DNAH14: variants seen among roughly 807,000 people sequenced by gnomAD.
DNAH14 encodes the protein dynein axonemal heavy chain 14.
A neutral mutation model predicts 520.9 loss-of-function variants in DNAH14; 478 were observed. The observed-to-expected ratio is 0.92, with a 90% CI of 0.85 to 0.99. The LOEUF is 0.99. Among genes scored for constraint, DNAH14 ranks in the 50% least tolerant of loss-of-function variants. The probability of loss-of-function intolerance (pLI) is 0.00; values close to 1 mark genes in which losing one functional copy is unlikely to be tolerated. For missense variants in DNAH14, 4,831 were observed against 5,234.5 expected (o/e 0.92, Z 2.38); for synonymous variants, 1,581 against 1,757.2 (o/e 0.90, Z 2.51).
intron 76 of DNAH14, among the ~76,000 whole-genome samples, chr1:225,366,101 G>A (rs2095549846): frequency 1.3e-5 from 2 of 152,094 alleles, no homozygotes. Context: ...TAAAAGTTCA[G>A]CCTCTAGATA....
chr1:225,209,154 A>G (rs926122745), intron 41 of DNAH14, among the ~76,000 whole-genome samples: 5 of 152,170 alleles, frequency 3.3e-5, no homozygotes, highest in Non-Finnish European at 7.3e-5. Context: ...TTTATGTCTC[A>G]TAATTTTTAA....
intron 81 of DNAH14, among the ~76,000 whole-genome samples, chr1:225,383,945 T>C (rs998324979): frequency 3.3e-5 from 5 of 152,228 alleles, no homozygotes; most frequent in Non-Finnish European, 7.3e-5. Flanking sequence ...GTGTCTTTGT[T>C]TTCATTGGTT....
intron 20 of DNAH14, among the ~76,000 whole-genome samples, chr1:225,083,359 T>C (rs187309261): frequency 9.9e-5 from 15 of 152,280 alleles, no homozygotes; most frequent in Admixed American, 9.8e-4. Flanking sequence ...TGATCTGTTG[T>C]AATGAGGAAC....
chr1:225,398,862 T>C (rs968652276), intron 85 of DNAH14, among the ~76,000 whole-genome samples, 192 bp from the exon 86 acceptor site: 1 of 152,314 alleles, frequency 6.6e-6, no homozygotes, highest in South Asian at 2.1e-4. Context: ...ATGTTCTCAA[T>C]AATATGTACT....
chr1:225,109,437 G>A (rs1239218541), intron 23 of DNAH14, among the ~76,000 whole-genome samples: 1 of 151,686 alleles, frequency 6.6e-6, no homozygotes, highest in African/African-American at 2.4e-5. Context: ...TCACTTCTTA[G>A]GTTGATTCCT....
rs1171179089 is a variant in DNAH14 at position 224,936,573 on chromosome 1, A to G, written c.-34+6738A>G. 2.0e-5 allele frequency among the ~76,000 whole-genome samples: 3 copies of G among 151,966 alleles called. No individual in the cohort carries two copies. In the East Asian group the frequency reaches 5.8e-4, roughly 29 times the overall value. The stretch of plus-strand genomic sequence containing the variant: ...AGGTAGTAACAAGTTCAAAGCTGTA[A>G]TAAAAAGTCTTCCATCAGAGAAAAG... On this transcript the variant is annotated intron_variant, in intron 1 of 85. Coordinates refer to ENST00000682510, the MANE Select transcript of DNAH14 (RefSeq NM_001367479.1).
chr1:225,381,540 T>G lies in DNAH14; in HGVS notation c.13038T>G (p.Phe4346Leu), dbSNP rs1358605582. ...IILTQELEEI[F>L]NSFLNMRVPT... Reference sequence around the variant, plus strand: ...TCACCCAAGAATTGGAGGAAATATTTAACTCTTTTCTTAATATGAGAGTGC... The same window carrying G: ...TCACCCAAGAATTGGAGGAAATATTGAACTCTTTTCTTAATATGAGAGTGC... Residue 4346 changes from phenylalanine (F) to leucine (L), a missense_variant, in exon 81 of 86, where the codon TTT (phenylalanine) becomes TTG (leucine). Physicochemically the swap from Phe to Leu is conservative, Grantham distance 22. Transcript: ENST00000682510. 6 of 1,538,220 alleles carry G rather than the reference T, an allele frequency of 3.9e-6. No individual in the cohort carries two copies. The East Asian group carries it at 9.8e-5, about 25-fold the overall frequency.
chr1:225,039,737 G>C (rs1572635343), intron 12 of DNAH14, among the ~76,000 whole-genome samples: 1 of 149,978 alleles, frequency 6.7e-6, no homozygotes, highest in Non-Finnish European at 1.5e-5. Flanking sequence ...AATTAGCCGG[G>C]CGTAGTGGCG....
chr1:224,952,435 A>G (rs892724944), intron 1 of DNAH14, among the ~76,000 whole-genome samples: 3 of 152,222 alleles, frequency 2.0e-5, no homozygotes, highest in African/African-American at 7.2e-5. Context: ...TGCATGTAAG[A>G]TGGAAACAAA....
chr1:225,341,967 A>T (rs1326537128), intron 69 of DNAH14, among the ~76,000 whole-genome samples: 1 of 152,132 alleles, frequency 6.6e-6, no homozygotes, highest in Non-Finnish European at 1.5e-5. Flanking sequence ...CTTTCTTTTT[A>T]AAAAATACAA....
At chr1:225,188,545 C>A (rs1330050980) in intron 37 of DNAH14, among the ~76,000 whole-genome samples, 1 of 151,954 alleles carries the variant, frequency 6.6e-6, no homozygotes, top group Non-Finnish European at 1.5e-5. Context: ...TGGTTTCAGG[C>A]ATCCACTAGG....
At chr1:225,247,748 C>T (rs1343104689) in intron 43 of DNAH14, among the ~76,000 whole-genome samples, 1 of 152,010 alleles carries the variant, frequency 6.6e-6, no homozygotes, top group Non-Finnish European at 1.5e-5. Context: ...AATTTTTGAC[C>T]AGGTGTGGTG....
chr1:225,172,187 C>T (rs1335960312), intron 36 of DNAH14, among the ~76,000 whole-genome samples: 1 of 152,138 alleles, frequency 6.6e-6, no homozygotes, highest in Admixed American at 6.6e-5. Context: ...GAAGCATTCC[C>T]TTTGAAAACT....
At chr1:225,309,833 C>T (rs894147579) in intron 60 of DNAH14, among the ~76,000 whole-genome samples, 5 of 152,052 alleles carry the variant, frequency 3.3e-5, no homozygotes, top group African/African-American at 1.2e-4. Context: ...GCGGAGATTG[C>T]AGTGAGCCAA....
rs141182304 is a variant in DNAH14 at position 225,065,442 on chromosome 1, A to T, written c.2424+13647A>T. Among the ~76,000 whole-genome samples, 1,355 of 151,454 alleles carry T rather than the reference A, an allele frequency of 8.9e-3. 15 individuals carry two copies. The highest frequency in any genetic ancestry group is 0.014 in the Middle Eastern group (4 of 294). On this transcript the variant is annotated intron_variant, in intron 17 of 85. Transcript: ENST00000682510. ...CACCATGCTGTGCAATGCATCTCAA[A>T]AAAAAAAACCAACAACAACACACAA... is the stretch of plus-strand genomic sequence containing the variant.
intron 27 of DNAH14, among the ~76,000 whole-genome samples, chr1:225,129,219 TATC>T (rs200152870): frequency 0.067 from 10,156 of 151,758 alleles, 427 homozygotes; most frequent in East Asian, 0.23. Context: ...GAAGAATCAA[TATC>T]ATGAAAATGG....
At chr1:225,247,749 AG>A (rs1035884427) in intron 43 of DNAH14, among the ~76,000 whole-genome samples, 2 of 152,192 alleles carry the variant, frequency 1.3e-5, no homozygotes, top group Admixed American at 6.5e-5. Context: ...ATTTTTGACC[AG>A]GTGTGGTGGC....
In DNAH14 at chr1:224,964,472, A is replaced by G. The variant is rs1459097725; in HGVS notation, c.368-7A>G. On this transcript the variant is annotated splice_region_variant and splice_polypyrimidine_tract_variant and intron_variant, in intron 4 of 85. Transcript: ENST00000682510. ...TTATACTGGATTTTTAAATTGTTCT[A>G]TACCAGAACCAAAAGATGATGATGT... 14 of 1,605,672 alleles carry G rather than the reference A, an allele frequency of 8.7e-6. No homozygotes were observed. Among genetic ancestry groups the G allele is most frequent in the East Asian group, 2.2e-5 (1 of 44,616 alleles).
chr1:225,267,200 A>G (rs1436133264), intron 49 of DNAH14, among the ~76,000 whole-genome samples: 1 of 151,904 alleles, frequency 6.6e-6, no homozygotes, highest in Non-Finnish European at 1.5e-5. Flanking sequence ...CAGATACAGC[A>G]TTTTAAGGAA....
Sources: gnomAD v4.1 joint callset for allele counts (sites outside exome capture counted in the v4.1 genomes callset) on GRCh38, gnomAD v4.1.1 for gene constraint, MANE v1.5 for transcripts, NCBI Gene and HGNC (gene_info 2026-07-23, HGNC 2026-07-21) for gene names.